The following ZFHX3 variants were observed in gnomAD, a reference collection of about 807,000 sequenced individuals.
ZFHX3 encodes zinc finger homeobox 3.
A neutral mutation model predicts 279.1 loss-of-function variants in ZFHX3; 42 were observed. The observed-to-expected ratio is 0.15, with a 90% CI of 0.12 to 0.19. ZFHX3 has a LOEUF of 0.19. Among genes scored for constraint, ZFHX3 ranks in the 10% least tolerant of loss-of-function variants. ZFHX3 has a pLI of 1.00. For missense variants in ZFHX3, 4,981 were observed against 4,754.0 expected, an observed-to-expected ratio of 1.05 and a Z score of -1.40; for synonymous variants, 2,293 against 1,957.8, an observed-to-expected ratio of 1.17 and a Z score of -4.52.
At chr16:73,028,928 G>C (rs1200871608) in intron 1 of ZFHX3, among the ~76,000 whole-genome samples, 2 of 152,186 alleles carry the variant, frequency 1.3e-5, no homozygotes, top group African/African-American at 4.8e-5. Flanking sequence ...GCCTCGACAG[G>C]TGTGAACAAG....
At chr16:73,709,957 G>A (rs2053342613) in intron 1 of ZFHX3, among the ~76,000 whole-genome samples, 1 of 152,184 alleles carries the variant, frequency 6.6e-6, no homozygotes, top group Non-Finnish European at 1.5e-5. Context: ...CAAGGTGGGT[G>A]GATCACCTGA....
chr16:73,339,513 A>G (rs990199431), intron 3 of ZFHX3, among the ~76,000 whole-genome samples: 2 of 152,248 alleles, frequency 1.3e-5, no homozygotes, highest in East Asian at 3.8e-4. Flanking sequence ...TGGGAGAAAT[A>G]GGTGTATAAA....
intron 2 of ZFHX3, among the ~76,000 whole-genome samples, chr16:73,562,404 G>A (rs1303928860): frequency 2.0e-5 from 3 of 151,992 alleles, no homozygotes; most frequent in Non-Finnish European, 4.4e-5. Context: ...GACCATCCTG[G>A]CTAACACGGT....
intron 3 of ZFHX3, among the ~76,000 whole-genome samples, chr16:73,355,481 T>C (rs1372646918): frequency 6.6e-6 from 1 of 152,126 alleles, no homozygotes. Context: ...CCATGGAGCT[T>C]TTTGGTGGCT....
At chr16:73,438,362 G>C (rs148465729) in intron 3 of ZFHX3, among the ~76,000 whole-genome samples, 1 of 152,194 alleles carries the variant, frequency 6.6e-6, no homozygotes, top group Admixed American at 6.5e-5. Flanking sequence ...TGCAGTCACT[G>C]GGATAAGTCC....
intron 3 of ZFHX3, among the ~76,000 whole-genome samples, chr16:73,334,581 C>T (rs553767885): frequency 6.6e-6 from 1 of 151,990 alleles, no homozygotes. Context: ...TTGTTCTGCC[C>T]GCTCCCCAAA....
chr16:73,123,205 T>C (rs1480689897), intron 7 of ZFHX3: 1 of 82,112 alleles, frequency 1.2e-5, no homozygotes, highest in Non-Finnish European at 3.2e-5. Context: ...ATGTGGTAGA[T>C]TAAAAAAAAA....
chr16:73,694,303 G>A (rs2053175460), intron 1 of ZFHX3, among the ~76,000 whole-genome samples: 1 of 152,110 alleles, frequency 6.6e-6, no homozygotes, highest in Non-Finnish European at 1.5e-5. Flanking sequence ...AGCCTGGGCA[G>A]CAGAGCGAGG....
At chr16:72,924,794 C>G (rs1355513809) in intron 3 of ZFHX3, among the ~76,000 whole-genome samples, 1 of 152,226 alleles carries the variant, frequency 6.6e-6, no homozygotes, top group East Asian at 1.9e-4. Flanking sequence ...CTCGTTCACT[C>G]TCGTTTAGCC....
intron 3 of ZFHX3, among the ~76,000 whole-genome samples, chr16:73,399,374 C>G (rs772081727): frequency 1.3e-5 from 2 of 152,070 alleles, no homozygotes; most frequent in Non-Finnish European, 2.9e-5. Context: ...ATACTTTGCC[C>G]CATGAAAGAA....
At chr16:73,059,210 A>C in exon 1 of ZFHX3, 1 of 86,466 alleles carries the variant, frequency 1.2e-5, no homozygotes, top group Non-Finnish European at 2.5e-5. Flanking sequence ...GAGGGGAGGA[A>C]GGGAGGAAAA....
At chr16:72,800,504 G>T (rs1218264414) in intron 7 of ZFHX3, among the ~76,000 whole-genome samples, 1 of 152,152 alleles carries the variant, frequency 6.6e-6, no homozygotes, top group Non-Finnish European at 1.5e-5. Context: ...CATAATAAGG[G>T]CCCTAATTAA....
chr16:73,241,592 A>G (rs2013122765), intron 5 of ZFHX3, among the ~76,000 whole-genome samples: 1 of 152,042 alleles, frequency 6.6e-6, no homozygotes, highest in Admixed American at 6.5e-5. Context: ...GGAGTTCAAG[A>G]CCAGCCTGAC....
intron 3 of ZFHX3, among the ~76,000 whole-genome samples, chr16:73,319,138 C>T (rs1020578855): frequency 1.3e-5 from 2 of 151,622 alleles, no homozygotes; most frequent in African/African-American, 2.4e-5. Flanking sequence ...CGCACAAGGA[C>T]CGGAGCAGGT....
chr16:73,476,118 G>T (rs1470544266), intron 2 of ZFHX3, among the ~76,000 whole-genome samples: 1 of 152,060 alleles, frequency 6.6e-6, no homozygotes, highest in Non-Finnish European at 1.5e-5. Flanking sequence ...TTGTTTTCCT[G>T]TTTGCAAGCT....
At position 72,783,441 on chromosome 16, in the gene ZFHX3, A is replaced by G. The variant is rs1297431326; in HGVS notation, c.*3723T>C. On this transcript the variant is annotated 3_prime_UTR_variant, in exon 10 of 10. Transcript: ENST00000268489. ...AAAAAATATATGTCCATGAACATCA[A>G]GTGCACTGGCTTGGGTCACTGCCTC... 4 of 152,548 alleles carry G rather than the reference A, an allele frequency of 2.6e-5. No individual in the cohort carries two copies. Among genetic ancestry groups the G allele is most frequent in the East Asian group, 3.9e-4 (2 of 5,192 alleles). 9.4% of individuals were successfully genotyped at this position (152,548 alleles called of 1,614,324 possible).
chr16:73,283,091 A>G (rs1001936007), intron 4 of ZFHX3, among the ~76,000 whole-genome samples: 3 of 152,214 alleles, frequency 2.0e-5, no homozygotes, highest in African/African-American at 7.2e-5. Context: ...ACTCCTGGCT[A>G]ACTGCTCAAC....
intron 1 of ZFHX3, among the ~76,000 whole-genome samples, chr16:73,736,703 A>G (rs755195362): frequency 2.6e-5 from 4 of 152,090 alleles, no homozygotes; most frequent in Admixed American, 6.6e-5. Flanking sequence ...ATGTCAATTC[A>G]TTTTTCTCCA....
intron 1 of ZFHX3, among the ~76,000 whole-genome samples, chr16:72,997,784 T>TA (rs1420652813): frequency 1.3e-5 from 2 of 152,066 alleles, no homozygotes; most frequent in African/African-American, 2.4e-5. Flanking sequence ...GTATCCATGT[T>TA]AAAAAAGGGG....
Sources: gnomAD v4.1 joint callset for allele counts (sites outside exome capture counted in the v4.1 genomes callset) on GRCh38, gnomAD v4.1.1 for gene constraint, MANE v1.5 for transcripts, NCBI Gene and HGNC (gene_info 2026-07-23, HGNC 2026-07-21) for gene names.